Variants in SORT1 observed in about 807,000 individuals in gnomAD.
SORT1 encodes the protein sortilin 1, also known as sortilin.
A neutral mutation model predicts 101.7 loss-of-function variants in SORT1; 39 were observed. That is an observed-to-expected ratio of 0.38 (90% CI 0.30 to 0.50). The LOEUF (loss-of-function observed/expected upper bound fraction) is 0.50. Ranked by LOEUF, SORT1 falls within the 20% of genes least tolerant of loss-of-function variation. SORT1 has a pLI of 0.90. For missense variants in SORT1, 878 were observed against 1,040.4 expected, an observed-to-expected ratio of 0.84 and a Z score of 2.15; for synonymous variants, 396 against 393.7, an observed-to-expected ratio of 1.01 and a Z score of -0.07.
At chr1:109,333,979 T>C (rs927942871) in intron 11 of SORT1, among the ~76,000 whole-genome samples, 5 of 152,072 alleles carry the variant, frequency 3.3e-5, no homozygotes, top group Non-Finnish European at 5.9e-5. Context: ...ACCCCGTCAC[T>C]ACTAAAGACA....
Position 109,327,132 on chromosome 1 carries a change from C to A in SORT1, c.1503G>T (p.Met501Ile), listed in dbSNP as rs777243887. ...CATCTGAGATGTACACATCTGGAAC[C>A]ATCACTGAGATGGCATCCCCCACGC... ...HGSVGDAISVMVPDVYISDDG... is the reference protein window; with the variant it reads ...HGSVGDAISVIVPDVYISDDG... Residue 501 changes from methionine to isoleucine, a missense_variant, in exon 13 of 20, where the codon ATG (methionine) becomes ATT (isoleucine). Transcript: ENST00000256637. 2 of 1,613,362 alleles carry A rather than the reference C, an allele frequency of 1.2e-6. No individual in the cohort carries two copies. The highest frequency in any genetic ancestry group is 2.2e-5 in the South Asian group (2 of 90,968).
chr1:109,313,168 G>A lies in SORT1; in HGVS notation c.*875C>T, dbSNP rs1658823368. The A allele has an allele frequency of 6.6e-6, 1 of 152,336 alleles. No homozygotes were observed. The highest frequency in any genetic ancestry group is 1.5e-5 in the Non-Finnish European group (1 of 68,032). The allele number at this position is 152,336 out of a possible 1,614,324, so 9.4% of individuals were successfully genotyped here. A position where few individuals can be genotyped will look rare whatever the true frequency, so the allele number is the denominator to read the frequency against. On this transcript the variant is annotated 3_prime_UTR_variant, in exon 20 of 20. Transcript: ENST00000256637. Reference sequence around the variant, plus strand: ...CTCTAGGGAAGAGATCATTCAGCCTGGGCAGACTTCCAGCTAAGTTTGTAC... The same window carrying A: ...CTCTAGGGAAGAGATCATTCAGCCTAGGCAGACTTCCAGCTAAGTTTGTAC...
At chr1:109,397,493 G>A in intron 1 of SORT1, 94 bp downstream of exon 1, 1 of 854,696 alleles carries the variant, frequency 1.2e-6, no homozygotes, top group Non-Finnish European at 1.4e-6. Context: ...GCAGGGCTGG[G>A]GTCTCCTCCG....
At chr1:109,359,224 G>C (rs998820688) in intron 3 of SORT1, among the ~76,000 whole-genome samples, 3 of 152,008 alleles carry the variant, frequency 2.0e-5, no homozygotes, top group Non-Finnish European at 2.9e-5. Context: ...TGACAGAAGG[G>C]GCAAGGGAGC....
At chr1:109,381,921 G>C (rs899891452) in intron 1 of SORT1, among the ~76,000 whole-genome samples, 18 of 151,980 alleles carry the variant, frequency 1.2e-4, no homozygotes, top group Non-Finnish European at 2.5e-4. Context: ...AATAGCAACT[G>C]TCTTTAAGTG....
At chr1:109,383,040 T>C (rs531890578) in intron 1 of SORT1, among the ~76,000 whole-genome samples, 123 of 152,324 alleles carry the variant, frequency 8.1e-4, no homozygotes, top group Non-Finnish European at 1.4e-3. Context: ...ACTGTTACTA[T>C]AAGCTTGGAA....
intron 5 of SORT1, among the ~76,000 whole-genome samples, chr1:109,353,303 G>C (rs1650083908): frequency 6.7e-6 from 1 of 148,950 alleles, no homozygotes; most frequent in African/African-American, 2.5e-5. Flanking sequence ...ACTCCAGCCT[G>C]GGCAAGAAGA....
At chr1:109,327,251 C>A in intron 12 of SORT1, 91 bp from the exon 13 acceptor site, 1 of 1,151,270 alleles carries the variant, frequency 8.7e-7, no homozygotes, top group Non-Finnish European at 1.2e-6. Context: ...TGAATTTATT[C>A]TGATTATTTC....
chr1:109,330,028 G>A (rs1648354930), intron 11 of SORT1, among the ~76,000 whole-genome samples: 1 of 152,048 alleles, frequency 6.6e-6, no homozygotes, highest in Admixed American at 6.5e-5. Context: ...TTGAGACGGA[G>A]TCTCACTCTG....
intron 3 of SORT1, among the ~76,000 whole-genome samples, chr1:109,365,890 G>A (rs1055773741): frequency 1.1e-4 from 17 of 152,166 alleles, no homozygotes; most frequent in African/African-American, 1.9e-4. Context: ...CATACCTCAC[G>A]GGGAAGAGAG....
chr1:109,369,608 T>C lies in SORT1; in HGVS notation c.307-19A>G. ...ACACATGCTATAAGGGGAAAAAAAA[T>C]TAATTTAGAAATGACAGCCACTCTC... On this transcript the variant is annotated intron_variant, in intron 1 of 19. Coordinates refer to ENST00000256637, the MANE Select transcript of SORT1 (RefSeq NM_002959.7). 1.3e-6 allele frequency: 2 copies of C among 1,552,076 alleles called. No homozygotes were observed. The highest frequency in any genetic ancestry group is 1.8e-6 in the Non-Finnish European group (2 of 1,123,580).
In SORT1 at chr1:109,369,238, C is replaced by T. The variant is rs113846254; in HGVS notation, c.366+292G>A. ...TTGGGAGGCTGAGGCAGGAGAATCG[C>T]TTGAACCCGGGAGGTGGAGGTTGCA... On this transcript the variant is annotated intron_variant, in intron 2 of 19. Coordinates refer to ENST00000256637, the MANE Select transcript of SORT1 (RefSeq NM_002959.7). Among the ~76,000 whole-genome samples the T allele has an allele frequency of 8.7e-3, 1,327 of 152,296 alleles. 6 individuals carry two copies. Among genetic ancestry groups the T allele is most frequent in the Non-Finnish European group, 0.014 (942 of 68,012 alleles).
chr1:109,345,215 A>G (rs1649497779), intron 8 of SORT1, among the ~76,000 whole-genome samples: 1 of 152,174 alleles, frequency 6.6e-6, no homozygotes, highest in African/African-American at 2.4e-5. Flanking sequence ...ATGCCCAAAC[A>G]CTGGATCAAA....
chr1:109,364,292 G>A (rs555677047), intron 3 of SORT1, among the ~76,000 whole-genome samples: 2 of 152,230 alleles, frequency 1.3e-5, no homozygotes, highest in Admixed American at 1.3e-4. Context: ...TCTTGTTTTG[G>A]TTTTGATTGT....
chr1:109,360,792 G>A (rs577316388), intron 3 of SORT1, among the ~76,000 whole-genome samples: 11 of 152,182 alleles, frequency 7.2e-5, no homozygotes, highest in Non-Finnish European at 1.5e-4. Flanking sequence ...AAGGATCTGG[G>A]TGGCCCTTCT....
At position 109,342,016 on chromosome 1, in the gene SORT1, C is replaced by A. The variant is rs1443968906; in HGVS notation, c.1106G>T (p.Gly369Val). The change falls in exon 9 of 20, where the codon GGA (glycine) becomes GTA (valine). Residue 369 changes from glycine (G) to valine (V), a missense_variant and splice_region_variant. This residue lies in a region of SORT1 where 684 missense variants were observed against 894.5 expected (regional missense o/e 0.76). Transcript: ENST00000256637. ...GTAAGCCACTAAAAAGCTCTTACCT[C>A]CAGGTTCATCTACATGCATGAATAC... is the stretch of plus-strand genomic sequence containing the variant. Reference protein sequence around the residue: ...DMVFMHVDEPGDTGFGTIFTS... With the variant: ...DMVFMHVDEPVDTGFGTIFTS... 2.6e-5 allele frequency: 42 copies of A among 1,613,456 alleles called. No individual in the cohort carries two copies. Among genetic ancestry groups the A allele is most frequent in the Non-Finnish European group, 3.1e-5 (37 of 1,179,794 alleles).
At chr1:109,395,650 T>C (rs1653144739) in intron 1 of SORT1, among the ~76,000 whole-genome samples, 1 of 152,008 alleles carries the variant, frequency 6.6e-6, no homozygotes, top group South Asian at 2.1e-4. Flanking sequence ...AAAGAATGAG[T>C]GGTTTTAGGT....
chr1:109,397,474 G>T, intron 1 of SORT1, 113 bp downstream of exon 1: 1 of 715,268 alleles, frequency 1.4e-6, no homozygotes, highest in Non-Finnish European at 1.7e-6. Flanking sequence ...CCCGGGGGAC[G>T]CGGGCGCGGC....
chr1:109,332,878 T>C (rs756252213), intron 11 of SORT1, among the ~76,000 whole-genome samples: 5 of 152,182 alleles, frequency 3.3e-5, no homozygotes, highest in Admixed American at 6.5e-5. Flanking sequence ...GCCTCTTAAA[T>C]AAACGGTGCT....
Sources: gnomAD v4.1 joint callset for allele counts (sites outside exome capture counted in the v4.1 genomes callset) on GRCh38, gnomAD v4.1.1 for gene constraint, gnomAD v4.1.1 regional missense constraint, MANE v1.5 for transcripts, NCBI Gene and HGNC (gene_info 2026-07-23, HGNC 2026-07-21) for gene names.